Variants in LARP4B observed in about 807,000 individuals in gnomAD.
The protein encoded by LARP4B is la-related protein 4B.
A neutral mutation model predicts 89.8 loss-of-function variants in LARP4B; 12 were observed. The observed-to-expected ratio is 0.13, with a 90% CI of 0.09 to 0.22. The LOEUF (loss-of-function observed/expected upper bound fraction) is 0.22. Ranked by LOEUF, LARP4B falls within the 10% of genes least tolerant of loss-of-function variation. The pLI is 1.00. For missense variants in LARP4B, 757 were observed against 947.7 expected (o/e 0.80, Z 2.64); for synonymous variants, 367 against 363.3 (o/e 1.01, Z -0.12).
rs1185689437 is a variant in LARP4B at position 825,846 on chromosome 10, A to G, written c.1150T>C (p.Phe384Leu). ...PLVTPFPNTG[F>L]INGFTSPAFK... Reference sequence around the variant, plus strand: ...GCTGGAGACGTAAACCCATTTATAAATCCAGTATTTGGAAATGGAGTTACC... The same window carrying G: ...GCTGGAGACGTAAACCCATTTATAAGTCCAGTATTTGGAAATGGAGTTACC... The change falls in exon 12 of 18, where the codon TTT becomes CTT. Residue 384 changes from phenylalanine (F) to leucine (L), a missense_variant. By Grantham distance (22) the Phe-to-Leu change is conservative. Transcript: ENST00000316157. The G allele has an allele frequency of 1.2e-6, 2 of 1,612,492 alleles. No homozygotes were observed. Among genetic ancestry groups the G allele is most frequent in the Admixed American group, 3.3e-5 (2 of 59,920 alleles).
chr10:928,233 A>G (rs906703819), intron 1 of LARP4B, among the ~76,000 whole-genome samples: 4 of 152,060 alleles, frequency 2.6e-5, no homozygotes, highest in African/African-American at 4.8e-5. Flanking sequence ...AGGAAAGAAA[A>G]AAAAAAAAAA....
the LARP4B span, among the ~76,000 whole-genome samples, chr10:980,477 T>C: frequency 6.6e-6 from 1 of 152,200 alleles, no homozygotes; most frequent in South Asian, 2.1e-4. Context: ...TTCTCATACA[T>C]CCTCTGAAAT....
At chr10:920,600 C>G (rs1011180476) in intron 1 of LARP4B, among the ~76,000 whole-genome samples, 12 of 151,938 alleles carry the variant, frequency 7.9e-5, no homozygotes, top group Admixed American at 3.9e-4. Flanking sequence ...ATGGAGAAAC[C>G]CTGTCTCTAC....
At chr10:815,980 G>A (rs759904578) in intron 15 of LARP4B, among the ~76,000 whole-genome samples, 2 of 152,230 alleles carry the variant, frequency 1.3e-5, no homozygotes, top group African/African-American at 2.4e-5. Context: ...TATAATCCCC[G>A]CATTTTGGGA....
At chr10:935,275 C>T (rs1170326381), upstream of LARP4B, among the ~76,000 whole-genome samples, 1 of 152,150 alleles carries the variant, frequency 6.6e-6, no homozygotes, top group Non-Finnish European at 1.5e-5. Context: ...GAGAGGTGCC[C>T]CAGCTCCAGA....
rs527544515 is a variant in LARP4B at position 917,742 on chromosome 10, C to T, written c.-40+13686G>A. 2.0e-4 allele frequency among the ~76,000 whole-genome samples: 30 copies of T among 152,318 alleles called. No individual in the cohort carries two copies. The South Asian group carries it at 4.4e-3, about 22-fold the overall frequency. ...TTGGCTTGGCTTCCTAGCCTTGAGG[C>T]TTTATAGTTGAATCCAAAATTCCTT... is the stretch of plus-strand genomic sequence containing the variant. On this transcript the variant is annotated intron_variant, in intron 1 of 17. Coordinates refer to ENST00000316157, the MANE Select transcript of LARP4B (RefSeq NM_015155.3).
At chr10:870,182 C>T in intron 3 of LARP4B, 1 of 234,578 alleles carries the variant, frequency 4.3e-6, no homozygotes, top group South Asian at 1.6e-4. Flanking sequence ...TGTATTAGTC[C>T]AGAGATAGCC....
intron 7 of LARP4B, among the ~76,000 whole-genome samples, chr10:838,970 G>A (rs192195727): frequency 6.6e-6 from 1 of 152,186 alleles, no homozygotes; most frequent in African/African-American, 2.4e-5. Flanking sequence ...AAGACATGGA[G>A]GAACCTTCAA....
At chr10:909,787 A>T (rs1397951721) in intron 1 of LARP4B, among the ~76,000 whole-genome samples, 1 of 145,362 alleles carries the variant, frequency 6.9e-6, no homozygotes, top group Admixed American at 6.9e-5. Context: ...CTCCATCTCT[A>T]AAAAAAAAAA....
At position 864,194 on chromosome 10, in the gene LARP4B, C is replaced by G; in HGVS notation, c.218G>C (p.Ser73Thr). The change falls in exon 4 of 18, where the codon AGC (serine) becomes ACC (threonine). Residue 73 changes from serine to threonine, a missense_variant. Ser to Thr is a moderately conservative substitution (Grantham distance 58, BLOSUM62 1). Coordinates refer to ENST00000316157, the MANE Select transcript of LARP4B (RefSeq NM_015155.3). ...WGAPVLHLEA[S>T]SAADGVSAAW... is the part of the protein sequence containing the mutation. ...AGCACTCACACCGTCAGCAGCACTG[C>G]TTGCTTCCAGATGTAACACAGGAGC... 2 of 1,614,198 alleles carry G rather than the reference C, an allele frequency of 1.2e-6. No homozygotes were observed. Among genetic ancestry groups the G allele is most frequent in the Non-Finnish European group, 8.5e-7 (1 of 1,180,012 alleles).
At chr10:951,226 G>A in the LARP4B span, among the ~76,000 whole-genome samples, 4 of 152,106 alleles carry the variant, frequency 2.6e-5, no homozygotes, top group African/African-American at 9.7e-5. Context: ...TTATTAAGTT[G>A]AGGAAGCTTC....
rs1455054691 is a variant in LARP4B, at chr10:814,345, C to T, written c.1929+397G>A. On this transcript the variant is annotated intron_variant, in intron 17 of 17. Transcript: ENST00000316157. This position sits in a 1 kb window ranked among gnomAD's most constrained non-coding sequence, Gnocchi z 4.4. ...CTGCTGGGCCCACAGGGGTTGGAGG[C>T]TGGTGGGGCCACCATCTTGCTCTTC... 1.5e-5 allele frequency: 5 copies of T among 329,368 alleles called. No homozygotes were observed. Among genetic ancestry groups the T allele is most frequent in the Non-Finnish European group, 3.0e-5 (5 of 164,976 alleles). 20.4% of individuals were successfully genotyped at this position (329,368 alleles called of 1,614,324 possible). A position where few individuals can be genotyped will look rare whatever the true frequency, so the allele number is the denominator to read the frequency against.
At chr10:846,026 A>T (rs573553656) in intron 5 of LARP4B, among the ~76,000 whole-genome samples, 2 of 152,306 alleles carry the variant, frequency 1.3e-5, no homozygotes, top group Non-Finnish European at 2.9e-5. Context: ...AGCAAAAAGA[A>T]ACCAAAACTG....
chr10:816,988 G>C (rs972194370), intron 15 of LARP4B, among the ~76,000 whole-genome samples: 5 of 152,182 alleles, frequency 3.3e-5, no homozygotes, highest in African/African-American at 1.2e-4. Context: ...TAACTCTGGG[G>C]CACAGCTGGG....
the LARP4B span, among the ~76,000 whole-genome samples, chr10:960,216 G>A: frequency 1.3e-5 from 2 of 152,164 alleles, no homozygotes; most frequent in Non-Finnish European, 2.9e-5. Context: ...AATAAGATGA[G>A]TGATTGCCAG....
At chr10:966,030 A>G in the LARP4B span, among the ~76,000 whole-genome samples, 1 of 150,572 alleles carries the variant, frequency 6.6e-6, no homozygotes, top group Non-Finnish European at 1.5e-5. Flanking sequence ...AATTGAATAC[A>G]CAGTGGGTTC....
chr10:945,747 C>T, the LARP4B span, among the ~76,000 whole-genome samples: 1 of 152,110 alleles, frequency 6.6e-6, no homozygotes, highest in Admixed American at 6.5e-5. Flanking sequence ...ATGTATGTGT[C>T]CCTCCACAAA....
the LARP4B span, among the ~76,000 whole-genome samples, chr10:945,687 C>CAA: frequency 3.9e-5 from 3 of 76,190 alleles, no homozygotes; most frequent in African/African-American, 8.8e-5. Flanking sequence ...GACTCCGTCT[C>CAA]AGAAAAAAAA....
the LARP4B span, chr10:972,359 G>T: frequency 2.5e-6 from 1 of 403,936 alleles, no homozygotes; most frequent in Non-Finnish European, 4.8e-6. Context: ...CTTCCACCAG[G>T]GGAAGGCCCT....
Sources: gnomAD v4.1 joint callset for allele counts (sites outside exome capture counted in the v4.1 genomes callset) on GRCh38, gnomAD v4.1.1 for gene constraint, Gnocchi (gnomAD v3.1) non-coding constraint, MANE v1.5 for transcripts, NCBI Gene and HGNC (gene_info 2026-07-23, HGNC 2026-07-21) for gene names.